Variants in USH2A observed in about 807,000 individuals in gnomAD.
The protein encoded by USH2A is usherin, also known as Usher syndrome 2A (autosomal recessive, mild).
In USH2A, 443 loss-of-function variants were observed where a neutral mutation model predicts 538.9. The observed-to-expected ratio is 0.82, with a 90% CI of 0.76 to 0.89. The LOEUF is 0.89. Among genes scored for constraint, USH2A ranks in the 40% least tolerant of loss-of-function variants. USH2A has a pLI of 0.00. For missense variants in USH2A, 6,633 were observed against 6,324.8 expected (o/e 1.05, Z -1.65); for synonymous variants, 2,413 against 2,273.5 (o/e 1.06, Z -1.75).
Position 215,867,150 on chromosome 1 carries a change from A to G in USH2A, c.8702T>C (p.Met2901Thr), listed in dbSNP as rs367653006. 3.7e-6 allele frequency: 6 copies of G among 1,614,042 alleles called. No individual in the cohort carries two copies. Among genetic ancestry groups the G allele is most frequent in the African/African-American group, 1.3e-5 (1 of 74,936 alleles). The change falls in exon 44 of 72, where the codon ATG (methionine) becomes ACG (threonine). Residue 2901 changes from methionine (M) to threonine (T), a missense_variant. Met to Thr is a moderately conservative substitution (Grantham distance 81). Transcript: ENST00000307340. ...GLSRFTTYEYMLFVHNSVGFT... is the reference protein window; with the variant it reads ...GLSRFTTYEYTLFVHNSVGFT... The stretch of plus-strand genomic sequence containing the variant: ...ACCCACACTGTTGTGTACGAAGAGC[A>G]TATATTCATAGGTTGTAAACCTAAA...
At chr1:215,700,895 A>G (rs1016216831) in intron 61 of USH2A, among the ~76,000 whole-genome samples, 10 of 151,738 alleles carry the variant, frequency 6.6e-5, no homozygotes, top group Non-Finnish European at 1.5e-4. Context: ...TTTAATTGTG[A>G]TGTTAGGGTG....
chr1:215,707,005 T>C (rs1659201998), intron 61 of USH2A, among the ~76,000 whole-genome samples: 1 of 152,220 alleles, frequency 6.6e-6, no homozygotes, highest in South Asian at 2.1e-4. Flanking sequence ...TGATTTGTTC[T>C]GAGAGCTAGA....
intron 11 of USH2A, among the ~76,000 whole-genome samples, chr1:216,285,583 G>T (rs930373928): frequency 3.3e-5 from 5 of 152,214 alleles, no homozygotes; most frequent in African/African-American, 1.2e-4. Flanking sequence ...GGTACTGCCT[G>T]GTGAATCTGT....
intron 44 of USH2A, among the ~76,000 whole-genome samples, chr1:215,861,691 A>G (rs1007036407): frequency 6.6e-6 from 1 of 152,164 alleles, no homozygotes; most frequent in Non-Finnish European, 1.5e-5. Context: ...TTCACTTTCT[A>G]TTGACACAAA....
chr1:216,388,208 C>T (rs997368564), intron 3 of USH2A, among the ~76,000 whole-genome samples: 1 of 152,130 alleles, frequency 6.6e-6, no homozygotes, highest in Non-Finnish European at 1.5e-5. Context: ...AGCATCTGTC[C>T]AAAATGTGTC....
rs898202390 is a variant in USH2A at position 216,037,408 on chromosome 1, C to CA, written c.6325+9022dup. ...ACAAGCAAAATGCCTCAAGCATCCC[C>CA]AAAAAACTTTTGCCATGACCTTTGC... On this transcript the variant is annotated intron_variant, in intron 32 of 71. Coordinates refer to ENST00000307340, the MANE Select transcript of USH2A (RefSeq NM_206933.4). Among the ~76,000 whole-genome samples, 7 of 152,196 alleles carry CA rather than the reference C, an allele frequency of 4.6e-5. No homozygotes were observed. In the South Asian group the frequency reaches 1.0e-3, roughly 23 times the overall value.
chr1:216,288,675 G>T (rs2102605297), intron 11 of USH2A, among the ~76,000 whole-genome samples: 1 of 152,158 alleles, frequency 6.6e-6, no homozygotes, highest in Non-Finnish European at 1.5e-5. Flanking sequence ...TATCAGAACA[G>T]GAAAAACTTC....
intron 64 of USH2A, among the ~76,000 whole-genome samples, chr1:215,657,694 G>T (rs567971097): frequency 2.0e-5 from 3 of 152,138 alleles, no homozygotes; most frequent in African/African-American, 7.2e-5. Context: ...CAGGGGAAGA[G>T]GGTACAGCAG....
intron 11 of USH2A, among the ~76,000 whole-genome samples, chr1:216,281,506 C>G (rs1270988642): frequency 6.6e-6 from 1 of 152,144 alleles, no homozygotes; most frequent in Non-Finnish European, 1.5e-5. Context: ...TCTTCCTTTC[C>G]CTACTCTAAT....
At chr1:216,148,505 C>G (rs1418545831) in intron 21 of USH2A, among the ~76,000 whole-genome samples, 2 of 152,126 alleles carry the variant, frequency 1.3e-5, no homozygotes, top group Non-Finnish European at 2.9e-5. Context: ...CTCATTAAAA[C>G]CTAATCACCC....
At chr1:215,671,820 G>A (rs1044757599) in intron 63 of USH2A, among the ~76,000 whole-genome samples, 3 of 151,916 alleles carry the variant, frequency 2.0e-5, no homozygotes, top group Admixed American at 6.6e-5. Flanking sequence ...AATGTTTCCA[G>A]GTCATGAAGG....
chr1:216,061,115 A>C (rs1231489888), intron 30 of USH2A, among the ~76,000 whole-genome samples: 1 of 152,184 alleles, frequency 6.6e-6, no homozygotes, highest in Non-Finnish European at 1.5e-5. Flanking sequence ...AAAGGGGCCC[A>C]TTTGCTCCTG....
chr1:216,257,765 G>T (rs1239285342), intron 11 of USH2A, among the ~76,000 whole-genome samples: 1 of 151,764 alleles, frequency 6.6e-6, no homozygotes, highest in African/African-American at 2.4e-5. Context: ...GTTTCATTTT[G>T]GATAGGTTAT....
chr1:215,671,438 G>A, intron 63 of USH2A, 145 bp from the exon 64 acceptor site: 1 of 939,080 alleles, frequency 1.1e-6, no homozygotes, highest in South Asian at 1.6e-5. Flanking sequence ...ACAAAGTTGA[G>A]AATGGCTTGA....
intron 21 of USH2A, among the ~76,000 whole-genome samples, chr1:216,107,161 T>C (rs1365014208): frequency 1.3e-5 from 2 of 151,864 alleles, no homozygotes; most frequent in African/African-American, 4.8e-5. Flanking sequence ...TTGTTGATAG[T>C]GTGTTTGATT....
At chr1:215,857,303 T>C (rs924751577) in intron 44 of USH2A, among the ~76,000 whole-genome samples, 3 of 152,188 alleles carry the variant, frequency 2.0e-5, no homozygotes. Context: ...AATTATGGGA[T>C]GAGATTTTGA....
At chr1:216,124,031 ACAGAAAGGTAAGACATCAAT>A in intron 21 of USH2A, among the ~76,000 whole-genome samples, 1 of 152,274 alleles carries the variant, frequency 6.6e-6, no homozygotes, top group South Asian at 2.1e-4. Flanking sequence ...TTCCTTATCC[ACAGAAAGGTAAGACATCAAT>A]CAGAGGAGTT....
intron 47 of USH2A, among the ~76,000 whole-genome samples, chr1:215,823,370 T>C (rs1663067311): frequency 6.6e-6 from 1 of 152,076 alleles, no homozygotes; most frequent in African/African-American, 2.4e-5. Context: ...TCCCACTTCC[T>C]CCTAGCTTGT....
Position 216,399,364 on chromosome 1 carries a change from C to T in USH2A, c.651+19150G>A, listed in dbSNP as rs114153059. On this transcript the variant is annotated intron_variant, in intron 3 of 71. Coordinates refer to ENST00000307340, the MANE Select transcript of USH2A (RefSeq NM_206933.4). ...CCATTCTGTTCCCACCCCACCCTCA[C>T]TAAGTGAGCAGGGCCTAGAGGGGAG... is the stretch of plus-strand genomic sequence containing the variant. 1.0e-2 allele frequency among the ~76,000 whole-genome samples: 1,518 copies of T among 152,256 alleles called. 39 individuals carry two copies. Among genetic ancestry groups the T allele is most frequent in the African/African-American group, 0.035 (1,460 of 41,530 alleles).
Sources: gnomAD v4.1 joint callset for allele counts (sites outside exome capture counted in the v4.1 genomes callset) on GRCh38, gnomAD v4.1.1 for gene constraint, MANE v1.5 for transcripts, NCBI Gene and HGNC (gene_info 2026-07-23, HGNC 2026-07-21) for gene names.